TENM3: variants seen among roughly 807,000 people sequenced by gnomAD.
TENM3 encodes teneurin-3.
Under a neutral mutation model 255.1 loss-of-function variants are expected in TENM3, and 63 were observed. That is an observed-to-expected ratio of 0.25 (90% CI 0.20 to 0.30). TENM3 has a LOEUF of 0.30. Ranked by LOEUF, TENM3 falls within the 10% of genes least tolerant of loss-of-function variation. The pLI, the probability that TENM3 is intolerant of heterozygous loss-of-function variation, is 1.00. For synonymous variants in TENM3, 1,306 were observed against 1,322.3 expected, an observed-to-expected ratio of 0.99 and a Z score of 0.27; for missense variants, 2,929 against 3,461.1, an observed-to-expected ratio of 0.85 and a Z score of 3.86.
At chr4:181,905,534 C>CT in the TENM3 span, among the ~76,000 whole-genome samples, 3,014 of 131,854 alleles carry the variant, frequency 0.023, 36 homozygotes, top group Middle Eastern at 0.037. Flanking sequence ...ATGAGCTGAG[C>CT]TTTTTTTTTT....
At chr4:182,706,082 A>AT (rs938403585) in intron 12 of TENM3, among the ~76,000 whole-genome samples, 5 of 152,022 alleles carry the variant, frequency 3.3e-5, no homozygotes, top group Non-Finnish European at 5.9e-5. Flanking sequence ...GTTTAGTCTG[A>AT]TTTTTTTTAT....
chr4:182,625,780 T>C (rs1001077139), intron 4 of TENM3, among the ~76,000 whole-genome samples: 2 of 152,164 alleles, frequency 1.3e-5, no homozygotes, highest in African/African-American at 4.8e-5. Context: ...TTAGGCTGCC[T>C]TTTAAATCCT....
At chr4:181,729,350 T>C in the TENM3 span, among the ~76,000 whole-genome samples, 103 of 152,250 alleles carry the variant, frequency 6.8e-4, 1 homozygote, top group African/African-American at 2.4e-3. Context: ...CTTGCCAGGA[T>C]GACTGTGGAA....
the TENM3 span, among the ~76,000 whole-genome samples, chr4:181,966,989 A>ATCTC: frequency 1.4e-5 from 2 of 147,302 alleles, no homozygotes; most frequent in East Asian, 4.0e-4. Flanking sequence ...CTCACACCAT[A>ATCTC]TCTCTCTCTC....
chr4:182,775,250 C>A, intron 24 of TENM3, 97 bp downstream of exon 24: 1 of 1,042,140 alleles, frequency 9.6e-7, no homozygotes, highest in South Asian at 1.5e-5. Flanking sequence ...CCCCCTATGT[C>A]TACACTGAGT....
rs750015829 is a variant in TENM3, at chr4:182,793,072, G to A, written c.6400G>A (p.Val2134Ile). 29 of 1,613,830 alleles carry A rather than the reference G, an allele frequency of 1.8e-5. No homozygotes were observed. The highest frequency in any genetic ancestry group is 2.5e-5 in the Non-Finnish European group (29 of 1,179,896). ...CACCAAATATGCTTATGAATATGATGTTGATGGACAGCTCCAAACAGTTTA... is the reference window on the plus strand; with the variant it reads ...CACCAAATATGCTTATGAATATGATATTGATGGACAGCTCCAAACAGTTTA... ...NTTKYAYEYD[V>I]DGQLQTVYLN... Residue 2134 changes from valine to isoleucine, a missense_variant, in exon 26 of 28, where the codon GTT (valine) becomes ATT (isoleucine). Around this residue, in one of 6 missense-constraint regions of TENM3, gnomAD observed 256 missense variants for 389.3 expected, o/e 0.66. Coordinates refer to ENST00000511685, the MANE Select transcript of TENM3 (RefSeq NM_001080477.4). This position sits in a 1 kb window ranked among gnomAD's most constrained non-coding sequence, Gnocchi z 5.7.
At chr4:181,642,036 G>A in the TENM3 span, among the ~76,000 whole-genome samples, 6 of 151,408 alleles carry the variant, frequency 4.0e-5, no homozygotes, top group Non-Finnish European at 7.4e-5. Flanking sequence ...AGGTCCTTGA[G>A]GAATGGCCAC....
rs185671818 is a variant in TENM3, at chr4:182,692,417, G to A, written c.2221+4066G>A. 4.4e-3 allele frequency among the ~76,000 whole-genome samples: 657 copies of A among 149,728 alleles called. 2 individuals carry two copies. Among genetic ancestry groups the A allele is most frequent in the African/African-American group, 0.016 (626 of 39,806 alleles). On this transcript the variant is annotated intron_variant, in intron 12 of 27. Coordinates refer to ENST00000511685, the MANE Select transcript of TENM3 (RefSeq NM_001080477.4). Reference sequence around the variant, plus strand: ...ATTCTTTTTAGTATTTGTTGAAGAGGTTTACCCCAGAATTCATTCATTTGT... The same window carrying A: ...ATTCTTTTTAGTATTTGTTGAAGAGATTTACCCCAGAATTCATTCATTTGT...
chr4:181,910,590 GTATATATA>G, the TENM3 span, among the ~76,000 whole-genome samples: 27 of 142,834 alleles, frequency 1.9e-4, no homozygotes, highest in Middle Eastern at 3.6e-3. Context: ...ATATGTATTT[GTATATATA>G]TATATATATA....
At chr4:182,020,560 A>G in the TENM3 span, among the ~76,000 whole-genome samples, 1 of 152,162 alleles carries the variant, frequency 6.6e-6, no homozygotes, top group African/African-American at 2.4e-5. Flanking sequence ...AATGTTCCCA[A>G]CACAAAGAAA....
rs141305653 is a variant in TENM3 at position 182,744,385 on chromosome 4, A to G, written c.3629+966A>G. ...TTGAGAAATCTTTCTCAGTTGGTTCATAAAATAAATTTCATTACAAAAAAG... is the reference window on the plus strand; with the variant it reads ...TTGAGAAATCTTTCTCAGTTGGTTCGTAAAATAAATTTCATTACAAAAAAG... On this transcript the variant is annotated intron_variant, in intron 19 of 27. Transcript: ENST00000511685. Among the ~76,000 whole-genome samples, 71 of 152,270 alleles carry G rather than the reference A, an allele frequency of 4.7e-4. 2 individuals carry two copies. In the East Asian group the frequency reaches 0.013, roughly 29 times the overall value.
chr4:182,390,706 ATC>A (rs1250640291), intron 3 of TENM3, among the ~76,000 whole-genome samples: 1 of 152,140 alleles, frequency 6.6e-6, no homozygotes, highest in Non-Finnish European at 1.5e-5. Flanking sequence ...TGCCGTCCCC[ATC>A]TCTCCACCCT....
chr4:181,789,638 A>C, the TENM3 span, among the ~76,000 whole-genome samples: 1 of 152,076 alleles, frequency 6.6e-6, no homozygotes, highest in Non-Finnish European at 1.5e-5. Context: ...GACCAGAAAG[A>C]CCAAGCAGTT....
the TENM3 span, among the ~76,000 whole-genome samples, chr4:182,040,885 G>A: frequency 2.9e-3 from 438 of 152,182 alleles, no homozygotes; most frequent in African/African-American, 0.01. Flanking sequence ...GGAAAGAAGG[G>A]GGACAGAGAA....
At chr4:182,747,361 C>A (rs996675066) in intron 19 of TENM3, among the ~76,000 whole-genome samples, 2 of 152,112 alleles carry the variant, frequency 1.3e-5, no homozygotes, top group African/African-American at 4.8e-5. Context: ...AACTAATAAG[C>A]ACCACCAGGA....
chr4:181,619,800 A>G, the TENM3 span, among the ~76,000 whole-genome samples: 1 of 152,150 alleles, frequency 6.6e-6, no homozygotes, highest in Non-Finnish European at 1.5e-5. Flanking sequence ...TTGATGGGCC[A>G]TCAGAGTCAT....
chr4:181,881,871 A>C, the TENM3 span, among the ~76,000 whole-genome samples: 1 of 152,292 alleles, frequency 6.6e-6, no homozygotes, highest in Non-Finnish European at 1.5e-5. Flanking sequence ...CTAGACCATA[A>C]AAATCTCCTA....
chr4:181,480,058 A>G, the TENM3 span, among the ~76,000 whole-genome samples: 2 of 152,174 alleles, frequency 1.3e-5, no homozygotes, highest in African/African-American at 2.4e-5. Flanking sequence ...AAATTAATTG[A>G]TAGCTAATTC....
the TENM3 span, among the ~76,000 whole-genome samples, chr4:182,030,762 G>T: frequency 6.6e-6 from 1 of 152,166 alleles, no homozygotes; most frequent in Non-Finnish European, 1.5e-5. Flanking sequence ...TAGGTGAGAT[G>T]CTATCTCATT....
Sources: gnomAD v4.1 joint callset for allele counts (sites outside exome capture counted in the v4.1 genomes callset) on GRCh38, gnomAD v4.1.1 for gene constraint, gnomAD v4.1.1 regional missense constraint, Gnocchi (gnomAD v3.1) non-coding constraint, MANE v1.5 for transcripts, NCBI Gene and HGNC (gene_info 2026-07-23, HGNC 2026-07-21) for gene names.